Variants in ODAD4 observed in about 807,000 individuals in gnomAD.
ODAD4 encodes outer dynein arm docking complex subunit 4, also known as outer dynein arm-docking complex subunit 4.
ODAD4 carries 49 observed loss-of-function variants against 51.8 expected under a neutral mutation model. The observed-to-expected ratio is 0.95, with a 90% confidence interval of 0.75 to 1.20. The LOEUF (loss-of-function observed/expected upper bound fraction) is 1.20. ODAD4 is among the 50% of genes most tolerant of loss of function. ODAD4 has a pLI of 0.00. For synonymous variants in ODAD4, 235 were observed against 221.3 expected (o/e 1.06, Z -0.55); for missense variants, 590 against 586.5 (o/e 1.01, Z -0.06).
intron 9 of ODAD4, among the ~76,000 whole-genome samples, chr17:41,951,400 C>A (rs1355019880): frequency 6.6e-6 from 1 of 151,612 alleles, no homozygotes; most frequent in Non-Finnish European, 1.5e-5. Context: ...TGTAAATTTT[C>A]TCAAAATCAT....
chr17:41,959,218 A>T (rs1370008530), intron 10 of ODAD4, among the ~76,000 whole-genome samples: 2 of 152,102 alleles, frequency 1.3e-5, no homozygotes, highest in African/African-American at 4.8e-5. Context: ...AAGCTTAGTA[A>T]AGTCTGCACA....
chr17:41,948,606 T>C (rs1413678837), intron 8 of ODAD4, among the ~76,000 whole-genome samples: 2 of 151,988 alleles, frequency 1.3e-5, no homozygotes, highest in African/African-American at 2.4e-5. Context: ...CCACCATACT[T>C]GGTAATAATA....
intron 9 of ODAD4, among the ~76,000 whole-genome samples, chr17:41,952,193 C>T (rs1377258821): frequency 6.6e-6 from 1 of 151,630 alleles, no homozygotes; most frequent in Non-Finnish European, 1.5e-5. Context: ...ATAGTGAAAC[C>T]CCATCTCTAC....
At chr17:41,964,028 C>T (rs797032585) in intron 11 of ODAD4, among the ~76,000 whole-genome samples, 54 of 152,030 alleles carry the variant, frequency 3.6e-4, no homozygotes, top group African/African-American at 1.2e-3. Context: ...TCCTGAGTAG[C>T]TGGGACTACA....
chr17:41,947,414 G>C (rs2050603536), intron 8 of ODAD4, among the ~76,000 whole-genome samples: 3 of 151,608 alleles, frequency 2.0e-5, no homozygotes, highest in Admixed American at 6.6e-5. Context: ...GAACCCAGGA[G>C]GCGAAGGTTG....
chr17:41,958,116 T>C (rs974267786), intron 10 of ODAD4, among the ~76,000 whole-genome samples: 12 of 152,162 alleles, frequency 7.9e-5, no homozygotes, highest in Non-Finnish European at 1.3e-4. Context: ...TGCTGTTATC[T>C]CTGCCTGGAA....
chr17:41,938,135 G>A (rs1228346219), intron 5 of ODAD4, among the ~76,000 whole-genome samples: 2 of 152,194 alleles, frequency 1.3e-5, no homozygotes, highest in Non-Finnish European at 2.9e-5. Context: ...GGCAGGACTT[G>A]GGCACCCGCC....
At chr17:41,945,096 T>G in intron 7 of ODAD4, 40 bp from the exon 8 acceptor site, 1 of 1,524,292 alleles carries the variant, frequency 6.6e-7, no homozygotes, top group Non-Finnish European at 9.1e-7. Flanking sequence ...CTAGAACAGC[T>G]GATTTCTAGT....
chr17:41,930,620 G>A lies in ODAD4; in HGVS notation c.-104G>A, dbSNP rs2050311021. On this transcript the variant is annotated 5_prime_UTR_variant, in exon 1 of 12. Transcript: ENST00000377540. Reference sequence around the variant, plus strand: ...GACGGGGGCGGAACCGGAAGTCGCTGTACATCTCATGGTTGCTAAGAAACG... The same window carrying A: ...GACGGGGGCGGAACCGGAAGTCGCTATACATCTCATGGTTGCTAAGAAACG... The A allele has an allele frequency of 2.6e-6, 2 of 755,832 alleles. No individual in the cohort carries two copies. Among genetic ancestry groups the A allele is most frequent in the Admixed American group, 2.5e-5 (1 of 40,804 alleles). The allele number at this position is 755,832 out of a possible 1,614,324, so 46.8% of individuals were successfully genotyped here.
intron 10 of ODAD4, among the ~76,000 whole-genome samples, chr17:41,957,883 CAA>C (rs68008486): frequency 0.023 from 3,468 of 152,208 alleles, 137 homozygotes; most frequent in African/African-American, 0.079. Context: ...TCTCTGGGCT[CAA>C]GAGATAAGTA....
Position 41,949,243 on chromosome 17 carries a change from G to A in ODAD4, c.1236G>A (p.Gln412=). 3 of 398,594 alleles carry A rather than the reference G, an allele frequency of 7.5e-6. No individual in the cohort carries two copies. The highest frequency in any genetic ancestry group is 1.3e-5 in the Non-Finnish European group (3 of 226,078). The allele number at this position is 398,594 out of a possible 1,614,324, so 24.7% of individuals were successfully genotyped here. ...EIGRCYLELD[Q]AWQAQNYGEK... is the part of the protein sequence containing the mutation. ...GCCGCTGCTACTTGGAGCTGGACCA[G>A]GCCTGGCAGGCCCAGAATTATGGCG... The change falls in exon 9 of 12, where the codon CAG becomes CAA. Residue 412 remains glutamine (Q), a synonymous_variant. Coordinates refer to ENST00000377540, the MANE Select transcript of ODAD4 (RefSeq NM_031421.5).
chr17:41,948,797 G>A (rs1382288346), intron 8 of ODAD4, among the ~76,000 whole-genome samples: 1 of 152,006 alleles, frequency 6.6e-6, no homozygotes, highest in Non-Finnish European at 1.5e-5. Flanking sequence ...CTGCCACCAT[G>A]CCTGGCTAAT....
At chr17:41,946,271 G>T (rs1354896214) in intron 8 of ODAD4, among the ~76,000 whole-genome samples, 2 of 152,194 alleles carry the variant, frequency 1.3e-5, no homozygotes, top group Non-Finnish European at 2.9e-5. Flanking sequence ...GACAGGTGTG[G>T]ACCATCAGGA....
chr17:41,941,607 C>CA (rs377340574), intron 7 of ODAD4, among the ~76,000 whole-genome samples: 11 of 151,668 alleles, frequency 7.3e-5, no homozygotes, highest in African/African-American at 2.7e-4. Context: ...ACTAAAAATA[C>CA]AAAAAAAATT....
chr17:41,957,095 AG>A (rs2050743372), intron 10 of ODAD4, among the ~76,000 whole-genome samples: 1 of 151,876 alleles, frequency 6.6e-6, no homozygotes, highest in African/African-American at 2.4e-5. Context: ...TTGTAGACTC[AG>A]GGTCTTACTC....
intron 11 of ODAD4, among the ~76,000 whole-genome samples, chr17:41,963,621 T>C (rs1276251403): frequency 6.6e-6 from 1 of 152,084 alleles, no homozygotes; most frequent in African/African-American, 2.4e-5. Flanking sequence ...AGTGTGACCA[T>C]TGTGTGATTT....
In ODAD4 at chr17:41,938,680, G is replaced by A. The variant is rs148926603; in HGVS notation, c.749G>A (p.Arg250Gln). 1.0e-4 allele frequency: 166 copies of A among 1,613,930 alleles called. No homozygotes were observed. The African/African-American group carries it at 1.2e-3, about 11-fold the overall frequency. ...CAGAAGCCGATCTACGCCAGGGAGC[G>A]GGACCGGAAGCTGATGCAAGAGAAA... ...RQQKPIYARE[R>Q]DRKLMQEKWL... is the part of the protein sequence containing the mutation. The change falls in exon 6 of 12, where the codon CGG (arginine) becomes CAG (glutamine). Residue 250 changes from arginine (R) to glutamine (Q), a missense_variant. Arg to Gln is a conservative substitution (Grantham distance 43). Coordinates refer to ENST00000377540, the MANE Select transcript of ODAD4 (RefSeq NM_031421.5).
intron 7 of ODAD4, among the ~76,000 whole-genome samples, chr17:41,943,253 T>A (rs1397156031): frequency 6.6e-6 from 1 of 152,234 alleles, no homozygotes; most frequent in African/African-American, 2.4e-5. Flanking sequence ...GCTATTTTTT[T>A]ATTTTTTTAA....
At chr17:41,962,092 T>G (rs1363280338) in intron 11 of ODAD4, among the ~76,000 whole-genome samples, 2 of 152,192 alleles carry the variant, frequency 1.3e-5, no homozygotes, top group African/African-American at 2.4e-5. Flanking sequence ...GGGCTCTTAC[T>G]GTGTGCTAGG....
Sources: allele counts gnomAD v4.1 joint callset (sites outside exome capture counted in the v4.1 genomes callset), GRCh38; gene constraint gnomAD v4.1.1; transcripts MANE v1.5; gene names NCBI Gene and HGNC (gene_info 2026-07-23, HGNC 2026-07-21).